Variants in SASH1 observed in about 807,000 individuals in gnomAD.
SASH1 encodes the protein SAM and SH3 domain-containing protein 1.
SASH1 carries 44 observed loss-of-function variants against 125.2 expected under a neutral mutation model. That is an observed-to-expected ratio of 0.35 (90% CI 0.28 to 0.45). SASH1 has a LOEUF of 0.45. SASH1 is among the 20% of genes least tolerant of loss of function. The pLI is 1.00. For missense variants in SASH1, 1,426 were observed against 1,614.5 expected (o/e 0.88, Z 2.00); for synonymous variants, 639 against 649.1 (o/e 0.98, Z 0.24).
the SASH1 span, among the ~76,000 whole-genome samples, chr6:148,235,197 A>G: frequency 6.6e-6 from 1 of 152,194 alleles, no homozygotes; most frequent in South Asian, 2.1e-4. Context: ...GTGTTAAAAG[A>G]CAATTGGTGT....
the SASH1 span, among the ~76,000 whole-genome samples, chr6:148,264,371 T>C: frequency 1.3e-5 from 2 of 152,154 alleles, no homozygotes; most frequent in African/African-American, 4.8e-5. Flanking sequence ...AACTTCTGCT[T>C]TTTCTAACAA....
the SASH1 span, among the ~76,000 whole-genome samples, chr6:148,242,031 C>G: frequency 6.6e-6 from 1 of 152,162 alleles, no homozygotes; most frequent in Non-Finnish European, 1.5e-5. Flanking sequence ...AAGAGGTAAA[C>G]AAAATGGTCA....
chr6:148,334,693 T>A (rs1430780439), intron 1 of SASH1, among the ~76,000 whole-genome samples: 1 of 151,550 alleles, frequency 6.6e-6, no homozygotes, highest in East Asian at 2.0e-4. Context: ...GCGCGTGTAA[T>A]CCTAGCTACT....
chr6:148,420,123 A>G (rs1784994361), intron 2 of SASH1, among the ~76,000 whole-genome samples: 1 of 152,204 alleles, frequency 6.6e-6, no homozygotes, highest in African/African-American at 2.4e-5. Flanking sequence ...GAAGTTTGTT[A>G]TATATGATTT....
the SASH1 span, among the ~76,000 whole-genome samples, chr6:148,249,325 C>CGTGT: frequency 2.1e-3 from 276 of 129,112 alleles, 1 homozygote; most frequent in Middle Eastern, 0.016. Context: ...TGCATGTGCA[C>CGTGT]GTGTGTGTGT....
At chr6:148,213,204 T>A in the SASH1 span, among the ~76,000 whole-genome samples, 24 of 152,122 alleles carry the variant, frequency 1.6e-4, no homozygotes, top group Admixed American at 1.6e-3. Flanking sequence ...AAGACCATAG[T>A]TTTAAAACTT....
chr6:148,433,871 A>G (rs929362774), intron 2 of SASH1, among the ~76,000 whole-genome samples: 13 of 151,982 alleles, frequency 8.6e-5, no homozygotes, highest in African/African-American at 3.1e-4. Flanking sequence ...AATAATTTGT[A>G]TATGTATACT....
chr6:148,245,924 G>A, the SASH1 span, among the ~76,000 whole-genome samples: 2 of 151,740 alleles, frequency 1.3e-5, no homozygotes, highest in East Asian at 1.9e-4. Flanking sequence ...GGGAGATGGA[G>A]GTGAGCCCAG....
At chr6:148,221,721 C>A in the SASH1 span, among the ~76,000 whole-genome samples, 1 of 152,152 alleles carries the variant, frequency 6.6e-6, no homozygotes, top group East Asian at 1.9e-4. Flanking sequence ...TGGTGAGCTG[C>A]GGTGGTTGTG....
At chr6:148,542,877 T>TGC (rs796143146) in intron 17 of SASH1, among the ~76,000 whole-genome samples, 3,829 of 143,214 alleles carry the variant, frequency 0.027, 137 homozygotes, top group East Asian at 0.079. Flanking sequence ...TGTGTGTGTG[T>TGC]GTGCGCGCGC....
intron 2 of SASH1, among the ~76,000 whole-genome samples, chr6:148,394,987 C>G (rs1472583239): frequency 6.6e-6 from 1 of 152,052 alleles, no homozygotes; most frequent in Non-Finnish European, 1.5e-5. Flanking sequence ...AAGCTGAGTG[C>G]GAGATGGCTT....
At chr6:148,248,394 T>C in the SASH1 span, among the ~76,000 whole-genome samples, 2 of 152,290 alleles carry the variant, frequency 1.3e-5, no homozygotes, top group East Asian at 3.9e-4. Flanking sequence ...AAAGAATGGG[T>C]GTTCAGTGAA....
intron 7 of SASH1, among the ~76,000 whole-genome samples, chr6:148,484,581 TAAA>T (rs1163560702): frequency 1.4e-5 from 2 of 147,758 alleles, no homozygotes; most frequent in African/African-American, 5.0e-5. Context: ...GCAGTGCACT[TAAA>T]AAAAAAATAG....
the SASH1 span, among the ~76,000 whole-genome samples, chr6:148,252,484 CTT>C: frequency 2.1e-5 from 3 of 142,388 alleles, no homozygotes. Flanking sequence ...GGTTTTTTTT[CTT>C]TTTTTTTTTT....
rs1412371927 is a variant in SASH1, at chr6:148,343,123, CG to C, written c.58del (p.Glu20SerfsTer29). The stretch of plus-strand genomic sequence containing the variant: ...CCGGAGCCTGAGCCCGAGCCCGAGC[CG>C]GAGCCCGAGCCCGCGCCGGAGCCGG... ...PGPEPEPEPE[P>X]EPEPAPEPEP... On this transcript the variant is annotated frameshift_variant, in exon 1 of 20. Transcript: ENST00000367467. LOFTEE classifies it high-confidence loss of function. The C allele has an allele frequency of 1.9e-6, 3 of 1,591,802 alleles. No homozygotes were observed. The highest frequency in any genetic ancestry group is 2.6e-6 in the Non-Finnish European group (3 of 1,175,850).
intron 1 of SASH1, among the ~76,000 whole-genome samples, chr6:148,284,757 C>A (rs182806963): frequency 1.1e-3 from 160 of 152,240 alleles, no homozygotes; most frequent in African/African-American, 3.6e-3. Flanking sequence ...CTTTGTTGGA[C>A]TTTTAATGTT....
intron 2 of SASH1, among the ~76,000 whole-genome samples, chr6:148,424,451 C>T (rs1037599042): frequency 6.6e-6 from 1 of 152,136 alleles, no homozygotes; most frequent in Admixed American, 6.5e-5. Flanking sequence ...TCTCAAACTC[C>T]TGACCTCAAG....
chr6:148,280,747 A>T (rs922023390), intron 1 of SASH1, among the ~76,000 whole-genome samples: 1 of 152,078 alleles, frequency 6.6e-6, no homozygotes, highest in Non-Finnish European at 1.5e-5. Flanking sequence ...GGTCAAGGCC[A>T]TGGTGAGCCA....
chr6:148,380,695 C>G (rs573673104), intron 1 of SASH1, among the ~76,000 whole-genome samples: 1 of 152,210 alleles, frequency 6.6e-6, no homozygotes. Context: ...CCATTCTTTT[C>G]TCCACATTTT....
Sources: gnomAD v4.1 joint callset for allele counts (sites outside exome capture counted in the v4.1 genomes callset) on GRCh38, gnomAD v4.1.1 for gene constraint, MANE v1.5 for transcripts, NCBI Gene and HGNC (gene_info 2026-07-23, HGNC 2026-07-21) for gene names.